Variants in OXR1 observed in about 807,000 individuals in gnomAD.
The protein encoded by OXR1 is oxidation resistance protein 1.
A neutral mutation model predicts 104.6 loss-of-function variants in OXR1; 41 were observed. The observed-to-expected ratio is 0.39, with a 90% CI of 0.31 to 0.51. OXR1 has a LOEUF of 0.51. OXR1 is among the 20% of genes least tolerant of loss of function. OXR1 has a pLI of 0.77. For missense variants in OXR1, 955 were observed against 1,031.9 expected, an observed-to-expected ratio of 0.93 and a Z score of 1.02; for synonymous variants, 348 against 348.4, an observed-to-expected ratio of 1.00 and a Z score of 0.01.
At chr8:106,730,902 A>G (rs1833828454) in intron 11 of OXR1, among the ~76,000 whole-genome samples, 1 of 152,050 alleles carries the variant, frequency 6.6e-6, no homozygotes, top group Admixed American at 6.6e-5. Flanking sequence ...AGAAAGAAAG[A>G]AAAAATAAGA....
intron 3 of OXR1, among the ~76,000 whole-genome samples, chr8:106,637,319 ATG>A (rs896949460): frequency 6.7e-6 from 1 of 149,226 alleles, no homozygotes; most frequent in Admixed American, 6.8e-5. Context: ...AAGAACTTTA[ATG>A]TGTGTGTGTA....
At chr8:106,593,599 A>G (rs1819278977) in intron 3 of OXR1, among the ~76,000 whole-genome samples, 1 of 150,376 alleles carries the variant, frequency 6.6e-6, no homozygotes, top group Non-Finnish European at 1.5e-5. Flanking sequence ...TAACACGGTG[A>G]AACCCCGTCT....
At chr8:106,496,394 AC>A (rs1368298985) in intron 2 of OXR1, among the ~76,000 whole-genome samples, 2 of 152,226 alleles carry the variant, frequency 1.3e-5, no homozygotes, top group African/African-American at 4.8e-5. Flanking sequence ...ATTAAAAAAA[AC>A]AGCCTCAAAT....
intron 2 of OXR1, among the ~76,000 whole-genome samples, chr8:106,408,636 A>AT (rs1176682789): frequency 6.6e-6 from 1 of 152,204 alleles, no homozygotes; most frequent in East Asian, 1.9e-4. Context: ...AACTTTATAC[A>AT]TACCAACAAA....
chr8:106,729,107 C>T (rs1833620752), intron 11 of OXR1, among the ~76,000 whole-genome samples: 1 of 152,112 alleles, frequency 6.6e-6, no homozygotes, highest in Admixed American at 6.6e-5. Flanking sequence ...CTTGTACTGA[C>T]AGTGTATACC....
intron 3 of OXR1, among the ~76,000 whole-genome samples, chr8:106,660,802 C>T (rs1404417637): frequency 6.6e-6 from 1 of 152,160 alleles, no homozygotes; most frequent in Admixed American, 6.5e-5. Flanking sequence ...CACCTGAGGT[C>T]AGGAGTTCGA....
intron 7 of OXR1, among the ~76,000 whole-genome samples, chr8:106,697,250 C>G (rs1033792675): frequency 6.6e-6 from 1 of 152,150 alleles, no homozygotes; most frequent in Non-Finnish European, 1.5e-5. Context: ...TTAGTAAGCA[C>G]GGGGGAGAGG....
rs117449937 is a variant in OXR1, at chr8:106,517,434, T to G, written c.24-1509T>G. 1.4e-4 allele frequency among the ~76,000 whole-genome samples: 21 copies of G among 152,348 alleles called. No individual in the cohort carries two copies. In the East Asian group the frequency reaches 4.0e-3, roughly 29 times the overall value. On this transcript the variant is annotated intron_variant, in intron 2 of 16. Transcript: ENST00000517566. ...ATAGACATTTGAGGTTTTTTTCAAT[T>G]TTTGTGTATTACAAATCCTGCTGAG... is the stretch of plus-strand genomic sequence containing the variant.
chr8:106,411,653 A>G (rs1210389575), intron 2 of OXR1, among the ~76,000 whole-genome samples: 1 of 152,172 alleles, frequency 6.6e-6, no homozygotes, highest in Non-Finnish European at 1.5e-5. Context: ...ATAAACACCT[A>G]TAATGTGATG....
intron 3 of OXR1, among the ~76,000 whole-genome samples, chr8:106,544,937 A>G (rs1815236857): frequency 6.6e-6 from 1 of 152,216 alleles, no homozygotes; most frequent in Non-Finnish European, 1.5e-5. Context: ...AATATTGCCC[A>G]TCTTTTACCA....
At chr8:106,460,723 G>A (rs555033880) in intron 2 of OXR1, among the ~76,000 whole-genome samples, 6 of 152,274 alleles carry the variant, frequency 3.9e-5, no homozygotes, top group African/African-American at 1.4e-4. Context: ...TTAAGGAAAA[G>A]ACTTTCTGTA....
Position 106,569,673 on chromosome 8 carries a change from G to A in OXR1, c.220+50534G>A, listed in dbSNP as rs534828222. Among the ~76,000 whole-genome samples, 5 of 152,292 alleles carry A rather than the reference G, an allele frequency of 3.3e-5. No individual in the cohort carries two copies. The South Asian group carries it at 1.0e-3, about 32-fold the overall frequency. ...TTAATTTAGGAGAAATGACAGGAAA[G>A]TTCATATAAATTGTCCATTGACATT... On this transcript the variant is annotated intron_variant, in intron 3 of 16. Transcript: ENST00000517566.
At chr8:106,596,559 T>C (rs1195201414) in intron 3 of OXR1, among the ~76,000 whole-genome samples, 1 of 152,028 alleles carries the variant, frequency 6.6e-6, no homozygotes, top group East Asian at 1.9e-4. Flanking sequence ...ATGGAAGAAG[T>C]AAAATTGAAG....
chr8:106,397,819 C>A (rs1469800161), intron 2 of OXR1, among the ~76,000 whole-genome samples: 1 of 152,056 alleles, frequency 6.6e-6, no homozygotes, highest in Non-Finnish European at 1.5e-5. Flanking sequence ...GCAGCTGCCA[C>A]AACAAAGTAC....
intron 7 of OXR1, chr8:106,697,508 C>T: frequency 3.7e-6 from 6 of 1,610,424 alleles, no homozygotes; most frequent in Non-Finnish European, 5.1e-6. Context: ...TTCTTGCCCT[C>T]TTGCAGCTGG....
intron 1 of OXR1, among the ~76,000 whole-genome samples, chr8:106,296,792 C>A (rs577184290): frequency 4.6e-5 from 7 of 152,210 alleles, no homozygotes; most frequent in Non-Finnish European, 8.8e-5. Context: ...GGAAAGATAA[C>A]ACTGGAACAA....
chr8:106,406,061 G>T (rs543133292), intron 2 of OXR1, among the ~76,000 whole-genome samples: 1 of 152,102 alleles, frequency 6.6e-6, no homozygotes, highest in Non-Finnish European at 1.5e-5. Flanking sequence ...AAACTAATAA[G>T]CATCTGCAGG....
intron 11 of OXR1, among the ~76,000 whole-genome samples, chr8:106,736,731 C>T (rs972945802): frequency 6.6e-6 from 1 of 151,958 alleles, no homozygotes; most frequent in African/African-American, 2.4e-5. Flanking sequence ...GTGCAAGAGC[C>T]TGGTCTAGGC....
At chr8:106,648,066 G>A (rs1824233617) in intron 3 of OXR1, among the ~76,000 whole-genome samples, 1 of 152,112 alleles carries the variant, frequency 6.6e-6, no homozygotes, top group Admixed American at 6.5e-5. Context: ...TTTTATCTGT[G>A]TTAAAAAGTA....
Sources: gnomAD v4.1 joint callset for allele counts (sites outside exome capture counted in the v4.1 genomes callset) on GRCh38, gnomAD v4.1.1 for gene constraint, MANE v1.5 for transcripts, NCBI Gene and HGNC (gene_info 2026-07-23, HGNC 2026-07-21) for gene names.